Variants in PPP1R12B observed in about 807,000 individuals in gnomAD.
PPP1R12B encodes protein phosphatase 1 regulatory subunit 12B.
PPP1R12B carries 76 observed loss-of-function variants against 126.1 expected under a neutral mutation model. The observed-to-expected ratio is 0.60, with a 90% CI of 0.50 to 0.73. PPP1R12B has a LOEUF of 0.73. Ranked by LOEUF, PPP1R12B falls within the 30% of genes least tolerant of loss-of-function variation. The probability of loss-of-function intolerance (pLI) is 0.00; values close to 1 mark genes in which losing one functional copy is unlikely to be tolerated. For missense variants in PPP1R12B, 1,052 were observed against 1,205.1 expected, an observed-to-expected ratio of 0.87 and a Z score of 1.88; for synonymous variants, 356 against 434.7, an observed-to-expected ratio of 0.82 and a Z score of 2.25.
intron 1 of PPP1R12B, among the ~76,000 whole-genome samples, chr1:202,358,733 T>A (rs1348506076): frequency 6.6e-6 from 1 of 152,098 alleles, no homozygotes; most frequent in African/African-American, 2.4e-5. Context: ...GAAATTGACT[T>A]GCATGTGGTT....
chr1:202,496,905 CTT>C (rs751328804), intron 18 of PPP1R12B, 83 bp downstream of exon 18: 22 of 1,356,962 alleles, frequency 1.6e-5, no homozygotes, highest in Non-Finnish European at 2.3e-5. Flanking sequence ...AAGGGCAAGA[CTT>C]AATGCAGATT....
At chr1:202,486,012 G>T (rs1678068319) in intron 13 of PPP1R12B, among the ~76,000 whole-genome samples, 1 of 152,086 alleles carries the variant, frequency 6.6e-6, no homozygotes, top group South Asian at 2.1e-4. Context: ...CTCACGAGTA[G>T]GTGGGACTAC....
At chr1:202,445,633 C>A (rs779954655) in intron 12 of PPP1R12B, among the ~76,000 whole-genome samples, 20 of 152,092 alleles carry the variant, frequency 1.3e-4, no homozygotes, top group Non-Finnish European at 2.8e-4. Context: ...GACATGCAAA[C>A]CCAAATCAGA....
intron 21 of PPP1R12B, 115 bp downstream of exon 21, chr1:202,564,662 G>T: frequency 1.3e-6 from 1 of 743,104 alleles, no homozygotes; most frequent in African/African-American, 1.8e-5. Flanking sequence ...GGCCTTCTCG[G>T]GGCAATGAGA....
At chr1:202,454,936 A>AT (rs1301658093) in intron 13 of PPP1R12B, among the ~76,000 whole-genome samples, 1 of 151,870 alleles carries the variant, frequency 6.6e-6, no homozygotes, top group Non-Finnish European at 1.5e-5. Flanking sequence ...AAAAAAAAAG[A>AT]TTTCCCTTCT....
intron 1 of PPP1R12B, among the ~76,000 whole-genome samples, chr1:202,355,583 T>C (rs1446877238): frequency 6.6e-6 from 1 of 152,144 alleles, no homozygotes; most frequent in Non-Finnish European, 1.5e-5. Flanking sequence ...CCTAGAGGGC[T>C]TTGAACATCA....
In PPP1R12B at chr1:202,437,861, A is replaced by G; in HGVS notation, c.1295A>G (p.Asp432Gly). The G allele has an allele frequency of 6.2e-7, 1 of 1,613,836 alleles. No individual in the cohort carries two copies. Among genetic ancestry groups the G allele is most frequent in the South Asian group, 1.1e-5 (1 of 91,078 alleles). ...GLFNKPEEPKDESPSSWRLGL... is the reference protein window; with the variant it reads ...GLFNKPEEPKGESPSSWRLGL... ...TTTAACAAGCCAGAAGAGCCCAAAG[A>G]TGAATCTCCTTCTTCATGGAGATTG... is the stretch of plus-strand genomic sequence containing the variant. The change falls in exon 10 of 24, where the codon GAT becomes GGT. Residue 432 changes from aspartate (D) to glycine (G), a missense_variant. Coordinates refer to ENST00000608999, the MANE Select transcript of PPP1R12B (RefSeq NM_002481.4).
intron 13 of PPP1R12B, among the ~76,000 whole-genome samples, chr1:202,468,279 T>G (rs1558265439): frequency 6.6e-6 from 1 of 152,236 alleles, no homozygotes; most frequent in East Asian, 1.9e-4. Context: ...TTTTGGTGTT[T>G]TAGTCATAAA....
Position 202,565,341 on chromosome 1 carries a change from A to G in PPP1R12B, c.2757+794A>G, listed in dbSNP as rs888168351. ...TGGGGACTTAGAATTTCGAAAGCTG[A>G]ACTGAAGTAAAAATGATTCTTTAGC... is the stretch of plus-strand genomic sequence containing the variant. On this transcript the variant is annotated intron_variant, in intron 21 of 23. Coordinates refer to ENST00000608999, the MANE Select transcript of PPP1R12B (RefSeq NM_002481.4). This position sits in a 1 kb window ranked among gnomAD's most constrained non-coding sequence, Gnocchi z 4.3. Among the ~76,000 whole-genome samples, 6 of 152,226 alleles carry G rather than the reference A, an allele frequency of 3.9e-5. No individual in the cohort carries two copies. The highest frequency in any genetic ancestry group is 7.3e-5 in the Non-Finnish European group (5 of 68,040).
intron 4 of PPP1R12B, 23 bp downstream of exon 4, chr1:202,425,748 A>C (rs770021338): frequency 1.3e-6 from 2 of 1,597,752 alleles, no homozygotes; most frequent in Non-Finnish European, 1.7e-6. Flanking sequence ...TACATCAATC[A>C]GGAGTGGTTC....
In PPP1R12B at chr1:202,437,958, A is replaced by G; in HGVS notation, c.1392A>G (p.Arg464=). ...VANSREPIRD[R]GSSIYRSSSS... ...ATTCCAGGGAACCTATAAGGGACCG[A>G]GGCTCTTCCATCTATCGCTCCTCTT... Residue 464 remains arginine, a synonymous_variant, in exon 10 of 24, where the codon CGA becomes CGG. Coordinates refer to ENST00000608999, the MANE Select transcript of PPP1R12B (RefSeq NM_002481.4). 2 of 1,614,154 alleles carry G rather than the reference A, an allele frequency of 1.2e-6. No individual in the cohort carries two copies. The highest frequency in any genetic ancestry group is 1.7e-6 in the Non-Finnish European group (2 of 1,180,016).
intron 22 of PPP1R12B, 23 bp downstream of exon 22, chr1:202,567,854 C>T (rs898545970): frequency 6.2e-7 from 1 of 1,611,532 alleles, no homozygotes; most frequent in African/African-American, 1.3e-5. Context: ...CTGTTTCCCC[C>T]TCCACCCCAT....
intron 18 of PPP1R12B, among the ~76,000 whole-genome samples, chr1:202,521,401 G>A (rs1454278471): frequency 6.6e-6 from 1 of 152,140 alleles, no homozygotes; most frequent in Non-Finnish European, 1.5e-5. Context: ...TTATACCTGA[G>A]AAAAGAAGAA....
chr1:202,536,124 C>T (rs1684500438), intron 18 of PPP1R12B, among the ~76,000 whole-genome samples: 1 of 152,192 alleles, frequency 6.6e-6, no homozygotes, highest in Admixed American at 6.5e-5. Context: ...CCTTTCAGAA[C>T]TTCACTTTCT....
chr1:202,394,121 G>A (rs1024788850), intron 1 of PPP1R12B, among the ~76,000 whole-genome samples: 55 of 150,630 alleles, frequency 3.7e-4, no homozygotes, highest in Admixed American at 5.9e-4. Context: ...GGCAGATCAC[G>A]AGGTCAGGAG....
chr1:202,576,066 C>T (rs532848478), intron 23 of PPP1R12B: 2 of 152,316 alleles, frequency 1.3e-5, no homozygotes, highest in South Asian at 4.1e-4. Context: ...AGGGATGTGC[C>T]CCTCCCTGTC....
At chr1:202,437,538 A>T (rs919594126) in intron 9 of PPP1R12B, among the ~76,000 whole-genome samples, 1 of 152,160 alleles carries the variant, frequency 6.6e-6, no homozygotes, top group African/African-American at 2.4e-5. Context: ...GGTCATTATT[A>T]ATTGCACAGA....
chr1:202,380,906 G>T (rs1662140790), intron 1 of PPP1R12B, among the ~76,000 whole-genome samples: 1 of 152,214 alleles, frequency 6.6e-6, no homozygotes, highest in South Asian at 2.1e-4. Context: ...TCATGCGGTT[G>T]TTAGGGTAAT....
chr1:202,471,419 G>A (rs1283380244), intron 13 of PPP1R12B, among the ~76,000 whole-genome samples: 1 of 151,136 alleles, frequency 6.6e-6, no homozygotes, highest in Non-Finnish European at 1.5e-5. Flanking sequence ...ACACAAACGT[G>A]CAAGAGTTTC....
Sources: allele counts gnomAD v4.1 joint callset (sites outside exome capture counted in the v4.1 genomes callset), GRCh38; gene constraint gnomAD v4.1.1; non-coding constraint Gnocchi (gnomAD v3.1); transcripts MANE v1.5; gene names NCBI Gene and HGNC (gene_info 2026-07-23, HGNC 2026-07-21).